WWOX: variants seen among roughly 807,000 people sequenced by gnomAD.
WWOX encodes WW domain containing oxidoreductase.
WWOX carries 69 observed loss-of-function variants against 46.2 expected under a neutral mutation model. The observed-to-expected ratio is 1.49, with a 90% CI of 1.23 to 1.82. WWOX has a LOEUF of 1.82. WWOX is among the 40% of genes most tolerant of loss of function. The probability of loss-of-function intolerance (pLI) is 0.00; values close to 1 mark genes in which losing one functional copy is unlikely to be tolerated. For missense variants in WWOX, 919 were observed against 542.6 expected (o/e 1.69, Z -6.89); for synonymous variants, 359 against 202.6 (o/e 1.77, Z -6.56).
chr16:78,798,476 G>T (rs780197629), intron 8 of WWOX, among the ~76,000 whole-genome samples: 6 of 151,942 alleles, frequency 3.9e-5, no homozygotes, highest in Non-Finnish European at 7.4e-5. Flanking sequence ...ATGTACTCAT[G>T]CCCCAGAAAT....
intron 8 of WWOX, among the ~76,000 whole-genome samples, chr16:79,050,143 A>G (rs943622020): frequency 2.0e-5 from 3 of 152,122 alleles, no homozygotes; most frequent in Admixed American, 1.3e-4. Context: ...CACGGCAATC[A>G]GTATTTACTT....
intron 8 of WWOX, among the ~76,000 whole-genome samples, chr16:78,455,383 G>A (rs1403484520): frequency 6.6e-6 from 1 of 152,042 alleles, no homozygotes; most frequent in Non-Finnish European, 1.5e-5. Context: ...GCTCATGCCT[G>A]TGATTCCAGC....
chr16:78,833,217 A>G (rs1291517031), intron 8 of WWOX, among the ~76,000 whole-genome samples: 6 of 151,726 alleles, frequency 4.0e-5, no homozygotes, highest in African/African-American at 1.2e-4. Flanking sequence ...AATTTTGACT[A>G]TTTTTTTGTA....
At chr16:78,448,906 A>G (rs2083622748) in intron 8 of WWOX, among the ~76,000 whole-genome samples, 1 of 152,148 alleles carries the variant, frequency 6.6e-6, no homozygotes, top group East Asian at 1.9e-4. Context: ...ATGACACCTG[A>G]GGTCTTTTTG....
At position 78,826,868 on chromosome 16, in the gene WWOX, C is replaced by G. The variant is rs1020244947; in HGVS notation, c.1057-384740C>G. On this transcript the variant is annotated intron_variant, in intron 8 of 8. Coordinates refer to ENST00000566780, the MANE Select transcript of WWOX (RefSeq NM_016373.4). ...CTGGATTTACTTAGCTGTCCTCTGC[C>G]TCCATCTCCCTTTCCCTGTAAGTGG... Among the ~76,000 whole-genome samples the G allele has an allele frequency of 1.2e-4, 19 of 152,324 alleles. No homozygotes were observed. The East Asian group carries it at 3.3e-3, about 26-fold the overall frequency.
chr16:78,535,540 C>T (rs1160622403), intron 8 of WWOX: 1 of 152,204 alleles, frequency 6.6e-6, no homozygotes, highest in Non-Finnish European at 1.5e-5. Context: ...GACAGAAGAA[C>T]CCTTAGAAGT....
chr16:78,745,167 A>C (rs7189045), intron 8 of WWOX, among the ~76,000 whole-genome samples: 2,202 of 152,332 alleles, frequency 0.014, 54 homozygotes, highest in African/African-American at 0.05. Context: ...TGTGAAAGCC[A>C]GTGTCCCTTC....
intron 8 of WWOX, among the ~76,000 whole-genome samples, chr16:78,545,594 A>G (rs1364058713): frequency 6.6e-6 from 1 of 152,194 alleles, no homozygotes; most frequent in Non-Finnish European, 1.5e-5. Flanking sequence ...AGTGATGCCC[A>G]GGAATAGTCA....
intron 6 of WWOX, among the ~76,000 whole-genome samples, chr16:78,407,762 C>T (rs1456924632): frequency 6.6e-6 from 1 of 152,118 alleles, no homozygotes; most frequent in Non-Finnish European, 1.5e-5. Flanking sequence ...GACCAAATGC[C>T]ATAAGAAAAA....
chr16:78,914,878 CAGAAAAAAAA>C (rs2045209196), intron 8 of WWOX, among the ~76,000 whole-genome samples: 1 of 65,678 alleles, frequency 1.5e-5, no homozygotes. Context: ...GACTCCGCCT[CAGAAAAAAAA>C]AAAAAAAAAA....
intron 8 of WWOX, among the ~76,000 whole-genome samples, chr16:79,065,172 G>A (rs1045692232): frequency 2.6e-5 from 4 of 152,196 alleles, no homozygotes; most frequent in African/African-American, 9.6e-5. Context: ...GTGAACAAAG[G>A]CTTCGGAAGC....
intron 8 of WWOX, among the ~76,000 whole-genome samples, chr16:78,747,579 G>A (rs2049378269): frequency 6.6e-6 from 1 of 152,308 alleles, no homozygotes; most frequent in South Asian, 2.1e-4. Flanking sequence ...GCCTTGGCAA[G>A]CTGAGTTACT....
intron 5 of WWOX, among the ~76,000 whole-genome samples, chr16:78,312,381 C>CTTTTTTTTT (rs561304972): frequency 0.032 from 4,209 of 132,682 alleles, 174 homozygotes; most frequent in African/African-American, 0.064. Flanking sequence ...AGGTCTAATT[C>CTTTTTTTTT]TTTTTTTTTT....
intron 8 of WWOX, among the ~76,000 whole-genome samples, chr16:78,932,918 T>G (rs2045655498): frequency 6.6e-6 from 1 of 152,288 alleles, no homozygotes; most frequent in African/African-American, 2.4e-5. Context: ...GAGGAGAACA[T>G]AGTCCAGGTT....
chr16:78,625,733 A>C (rs2046296580), intron 8 of WWOX, among the ~76,000 whole-genome samples: 1 of 140,634 alleles, frequency 7.1e-6, no homozygotes, highest in Non-Finnish European at 1.5e-5. Context: ...ATGCGGTTTT[A>C]CTTCTGCAGT....
intron 5 of WWOX, among the ~76,000 whole-genome samples, chr16:78,220,441 A>G (rs2036852251): frequency 6.6e-6 from 1 of 152,106 alleles, no homozygotes; most frequent in Admixed American, 6.6e-5. Flanking sequence ...CTGTTTTGCT[A>G]AGTAATACTT....
intron 5 of WWOX, among the ~76,000 whole-genome samples, chr16:78,260,039 C>T (rs2038237252): frequency 6.6e-6 from 1 of 151,110 alleles, no homozygotes; most frequent in African/African-American, 2.4e-5. Flanking sequence ...TGAGACCTCC[C>T]AGCAGGCGTT....
At chr16:78,559,935 T>C (rs1013411457) in intron 8 of WWOX, among the ~76,000 whole-genome samples, 1 of 152,162 alleles carries the variant, frequency 6.6e-6, no homozygotes, top group Non-Finnish European at 1.5e-5. Context: ...CTCCCCAGCT[T>C]CTCCTGAATC....
intron 8 of WWOX, among the ~76,000 whole-genome samples, chr16:78,498,020 G>C (rs987620318): frequency 1.3e-5 from 2 of 151,966 alleles, no homozygotes; most frequent in Non-Finnish European, 2.9e-5. Context: ...GGCTAACATG[G>C]TGAAATGCTG....
Sources: allele counts gnomAD v4.1 joint callset (sites outside exome capture counted in the v4.1 genomes callset), GRCh38; gene constraint gnomAD v4.1.1; transcripts MANE v1.5; gene names NCBI Gene and HGNC (gene_info 2026-07-23, HGNC 2026-07-21).